CNTN5: variants seen among roughly 807,000 people sequenced by gnomAD.
CNTN5 encodes the protein contactin-5.
CNTN5 carries 77 observed loss-of-function variants against 129.1 expected under a neutral mutation model. The ratio of observed to expected loss-of-function variants is 0.60; its 90% CI spans 0.50 to 0.72. CNTN5 has a LOEUF of 0.72. CNTN5 is among the 30% of genes least tolerant of loss of function. The pLI, the probability that CNTN5 is intolerant of heterozygous loss-of-function variation, is 0.00. For synonymous variants in CNTN5, 509 were observed against 465.6 expected, an observed-to-expected ratio of 1.09 and a Z score of -1.20; for missense variants, 1,478 against 1,328.8, an observed-to-expected ratio of 1.11 and a Z score of -1.75.
At chr11:99,891,752 C>T (rs535640517) in intron 6 of CNTN5, among the ~76,000 whole-genome samples, 37 of 152,108 alleles carry the variant, frequency 2.4e-4, no homozygotes, top group African/African-American at 6.3e-4. Context: ...TGGGTTGGTT[C>T]GAAGTCTTTG....
chr11:99,587,367 TA>T (rs1949829576), intron 3 of CNTN5, among the ~76,000 whole-genome samples: 1 of 152,104 alleles, frequency 6.6e-6, no homozygotes, highest in African/African-American at 2.4e-5. Context: ...ATGCACAAGG[TA>T]AACTGACTTA....
At chr11:99,370,381 A>G (rs1939752070) in intron 2 of CNTN5, among the ~76,000 whole-genome samples, 1 of 152,214 alleles carries the variant, frequency 6.6e-6, no homozygotes, top group Non-Finnish European at 1.5e-5. Context: ...TTGTAGTCAC[A>G]TTTCAATTGA....
At chr11:100,273,196 C>T (rs1327629576) in intron 18 of CNTN5, among the ~76,000 whole-genome samples, 1 of 152,120 alleles carries the variant, frequency 6.6e-6, no homozygotes, top group Non-Finnish European at 1.5e-5. Context: ...CTCTGGCAGA[C>T]CCTGACTGAA....
At chr11:99,481,445 TCA>T (rs994660151) in intron 2 of CNTN5, among the ~76,000 whole-genome samples, 4 of 152,196 alleles carry the variant, frequency 2.6e-5, no homozygotes, top group African/African-American at 9.6e-5. Context: ...TTTCCCTTAT[TCA>T]CTGTTGTATC....
chr11:100,297,731 GTGTT>G, intron 19 of CNTN5, 36 bp downstream of exon 19: 2 of 1,441,438 alleles, frequency 1.4e-6, no homozygotes, highest in Non-Finnish European at 1.9e-6. Flanking sequence ...ATTACTCCAC[GTGTT>G]TGTTTGGCTT....
intron 1 of CNTN5, among the ~76,000 whole-genome samples, chr11:99,128,631 C>T (rs1357833341): frequency 1.3e-5 from 2 of 152,200 alleles, no homozygotes; most frequent in Non-Finnish European, 2.9e-5. Flanking sequence ...ATACAAACTA[C>T]TTCCTTAAGT....
intron 3 of CNTN5, among the ~76,000 whole-genome samples, chr11:99,596,220 G>C (rs1191174644): frequency 1.3e-5 from 2 of 152,056 alleles, no homozygotes; most frequent in Non-Finnish European, 2.9e-5. Context: ...TTACTTTGTG[G>C]CTGAGAAATG....
intron 1 of CNTN5, among the ~76,000 whole-genome samples, chr11:99,317,135 T>C (rs1186623623): frequency 6.6e-6 from 1 of 152,170 alleles, no homozygotes; most frequent in Non-Finnish European, 1.5e-5. Context: ...TCCATGACAT[T>C]GGGCTTAGGG....
intron 8 of CNTN5, among the ~76,000 whole-genome samples, chr11:99,999,891 G>A (rs2137462339): frequency 6.6e-6 from 1 of 152,052 alleles, no homozygotes; most frequent in South Asian, 2.1e-4. Context: ...ATCATTCTCA[G>A]TAAACTGTCG....
At chr11:100,259,735 C>A (rs1950157590) in intron 17 of CNTN5, among the ~76,000 whole-genome samples, 1 of 152,004 alleles carries the variant, frequency 6.6e-6, no homozygotes, top group South Asian at 2.1e-4. Flanking sequence ...TAAATAAGTT[C>A]TTTGAAATCA....
intron 3 of CNTN5, among the ~76,000 whole-genome samples, chr11:99,574,182 T>C (rs1405146145): frequency 6.6e-6 from 1 of 152,204 alleles, no homozygotes; most frequent in African/African-American, 2.4e-5. Context: ...TGTGTTAGTT[T>C]GCTGAGAATG....
rs1340533817 is a variant in CNTN5, at chr11:100,346,987, TACTC to T, written c.3031-3711_3031-3708del. ...TAAAACCATCAGATCTCATGAGACT[TACTC>T]ACTATCATGAGAATAGCACGGGAAA... On this transcript the variant is annotated intron_variant, in intron 23 of 24. Transcript: ENST00000524871. Among the ~76,000 whole-genome samples, 16 of 152,082 alleles carry T rather than the reference TACTC, an allele frequency of 1.1e-4. 1 individual carries two copies. The highest frequency in any genetic ancestry group is 1.8e-4 in the Non-Finnish European group (12 of 68,032).
chr11:100,264,303 G>C (rs1950257887), intron 17 of CNTN5, among the ~76,000 whole-genome samples: 1 of 152,076 alleles, frequency 6.6e-6, no homozygotes, highest in Non-Finnish European at 1.5e-5. Flanking sequence ...GGGTGCCATG[G>C]TGGTTTGCTG....
intron 13 of CNTN5, among the ~76,000 whole-genome samples, chr11:100,147,190 T>TGAA (rs1565285927): frequency 6.6e-6 from 1 of 152,162 alleles, no homozygotes; most frequent in Non-Finnish European, 1.5e-5. Flanking sequence ...GTTGGGCTGC[T>TGAA]GAAGTCCCCT....
At chr11:100,255,991 T>C (rs1565375909) in intron 17 of CNTN5, 73 bp downstream of exon 17, 4 of 1,320,740 alleles carry the variant, frequency 3.0e-6, no homozygotes, top group Non-Finnish European at 4.2e-6. Context: ...TTGGCTAAGG[T>C]CTTACTATGA....
intron 2 of CNTN5, among the ~76,000 whole-genome samples, chr11:99,479,718 G>T (rs1159191215): frequency 6.6e-6 from 1 of 151,842 alleles, no homozygotes; most frequent in Non-Finnish European, 1.5e-5. Context: ...CTAAATATGT[G>T]TAATAATACT....
At chr11:99,844,523 T>A (rs1334905884) in intron 4 of CNTN5, 5 of 338,642 alleles carry the variant, frequency 1.5e-5, no homozygotes, top group Admixed American at 4.6e-5. Context: ...TCAGGTTTTT[T>A]AAGATATTGT....
chr11:99,916,116 G>T lies in CNTN5; in HGVS notation c.640G>T (p.Val214Phe). 1.2e-6 allele frequency: 2 copies of T among 1,612,166 alleles called. No individual in the cohort carries two copies. The highest frequency in any genetic ancestry group is 1.7e-6 in the Non-Finnish European group (2 of 1,179,078). ...AVSVREGQGV[V>F]LMCSPPPHSP... is the part of the protein sequence containing the mutation. Reference sequence around the variant, plus strand: ...CTCTGTGAGGGAAGGCCAGGGTGTCGTTCTGATGTGCTCTCCTCCGCCACA... The same window carrying T: ...CTCTGTGAGGGAAGGCCAGGGTGTCTTTCTGATGTGCTCTCCTCCGCCACA... The change falls in exon 7 of 25, where the codon GTT becomes TTT. Residue 214 changes from valine to phenylalanine, a missense_variant. Coordinates refer to ENST00000524871, the MANE Select transcript of CNTN5 (RefSeq NM_014361.4).
At chr11:99,793,689 G>A (rs930147786) in intron 3 of CNTN5, among the ~76,000 whole-genome samples, 2 of 152,006 alleles carry the variant, frequency 1.3e-5, no homozygotes, top group South Asian at 2.1e-4. Context: ...CCCAGAAGTC[G>A]CTCAGGAGCA....
Sources: allele counts gnomAD v4.1 joint callset (sites outside exome capture counted in the v4.1 genomes callset), GRCh38; gene constraint gnomAD v4.1.1; transcripts MANE v1.5; gene names NCBI Gene and HGNC (gene_info 2026-07-23, HGNC 2026-07-21).